PPARGC1A: variants seen among roughly 807,000 people sequenced by gnomAD.
PPARGC1A encodes the protein PPARG coactivator 1 alpha, also known as peroxisome proliferator-activated receptor gamma coactivator 1-alpha.
Under a neutral mutation model 88.7 loss-of-function variants are expected in PPARGC1A, and 25 were observed. The observed-to-expected ratio is 0.28, with a 90% confidence interval of 0.21 to 0.39. The LOEUF (loss-of-function observed/expected upper bound fraction) is 0.39, where lower values mean the gene tolerates loss of function less well. PPARGC1A is among the 10% of genes least tolerant of loss of function. PPARGC1A has a pLI of 1.00. For missense variants in PPARGC1A, 880 were observed against 968.7 expected (o/e 0.91, Z 1.22); for synonymous variants, 363 against 355.6 (o/e 1.02, Z -0.24).
the PPARGC1A span, among the ~76,000 whole-genome samples, chr4:24,341,278 C>T: frequency 7.2e-5 from 11 of 151,750 alleles, no homozygotes; most frequent in African/African-American, 2.4e-4. Context: ...AATAAACCAA[C>T]TGATCTGAAT....
chr4:23,937,580 C>T, the PPARGC1A span, among the ~76,000 whole-genome samples: 1 of 151,852 alleles, frequency 6.6e-6, no homozygotes, highest in Non-Finnish European at 1.5e-5. Context: ...TTGTTGACTC[C>T]TTTCAACATT....
At chr4:24,135,407 G>C in the PPARGC1A span, among the ~76,000 whole-genome samples, 3 of 152,080 alleles carry the variant, frequency 2.0e-5, no homozygotes, top group Non-Finnish European at 4.4e-5. Context: ...CCTCCTTGCA[G>C]GCCACACCCA....
At chr4:23,844,478 ATAT>A (rs1169973138) in intron 2 of PPARGC1A, among the ~76,000 whole-genome samples, 38,819 of 94,138 alleles carry the variant, frequency 0.41, 6,722 homozygotes, top group Middle Eastern at 0.52. Flanking sequence ...CTATATTAAT[ATAT>A]TATAATAATC....
chr4:24,303,141 G>A, the PPARGC1A span, among the ~76,000 whole-genome samples: 25 of 152,200 alleles, frequency 1.6e-4, no homozygotes, highest in African/African-American at 5.5e-4. Flanking sequence ...AGCTAAACAC[G>A]AACAGCTTAA....
At chr4:24,200,968 A>T in the PPARGC1A span, among the ~76,000 whole-genome samples, 1 of 152,198 alleles carries the variant, frequency 6.6e-6, no homozygotes, top group Non-Finnish European at 1.5e-5. Context: ...TTCACTCAGC[A>T]AACATTTATT....
chr4:24,140,372 T>C, the PPARGC1A span, among the ~76,000 whole-genome samples: 42 of 152,344 alleles, frequency 2.8e-4, no homozygotes, highest in African/African-American at 1.0e-3. Context: ...TGTAATCACA[T>C]TGCTTTAAGA....
chr4:24,067,583 G>T, the PPARGC1A span, among the ~76,000 whole-genome samples: 1 of 152,182 alleles, frequency 6.6e-6, no homozygotes. Flanking sequence ...AGCATCGCAC[G>T]TGGCCAAGGA....
chr4:23,895,180 A>C (rs1718399029), intron 1 of PPARGC1A, among the ~76,000 whole-genome samples: 1 of 150,480 alleles, frequency 6.6e-6, no homozygotes, highest in African/African-American at 2.4e-5. Flanking sequence ...AAAAAAAAGC[A>C]ATCAAACCAT....
At chr4:24,008,929 C>T in the PPARGC1A span, among the ~76,000 whole-genome samples, 1 of 151,920 alleles carries the variant, frequency 6.6e-6, no homozygotes, top group Non-Finnish European at 1.5e-5. Context: ...TATGTGGGTT[C>T]TTTTCCCGCG....
chr4:24,232,297 T>C, the PPARGC1A span, among the ~76,000 whole-genome samples: 1 of 152,106 alleles, frequency 6.6e-6, no homozygotes, highest in Non-Finnish European at 1.5e-5. Flanking sequence ...AATCACATCG[T>C]TCCCTTCTCC....
the PPARGC1A span, among the ~76,000 whole-genome samples, chr4:24,121,292 G>T: frequency 0.011 from 1,613 of 152,198 alleles, 27 homozygotes; most frequent in East Asian, 0.071. Flanking sequence ...CTTCTCCCAC[G>T]CCTGTTTTTC....
At chr4:23,835,377 T>C (rs1322080494) in intron 2 of PPARGC1A, among the ~76,000 whole-genome samples, 1 of 152,132 alleles carries the variant, frequency 6.6e-6, no homozygotes, top group Non-Finnish European at 1.5e-5. Flanking sequence ...TTATAAGATC[T>C]GATTAAACCA....
At chr4:24,089,514 C>CTTTTCTTTCTT in the PPARGC1A span, among the ~76,000 whole-genome samples, 2 of 38,680 alleles carry the variant, frequency 5.2e-5, no homozygotes, top group Non-Finnish European at 8.5e-5. Flanking sequence ...TCTTTTCTTT[C>CTTTTCTTTCTT]TTTTTTTTTT....
At chr4:23,799,968 A>G (rs1718358808) in intron 12 of PPARGC1A, among the ~76,000 whole-genome samples, 1 of 152,172 alleles carries the variant, frequency 6.6e-6, no homozygotes, top group Admixed American at 6.5e-5. Context: ...GCCACATTCT[A>G]TATTTTCATC....
the PPARGC1A span, among the ~76,000 whole-genome samples, chr4:24,216,173 A>T: frequency 1.6e-5 from 2 of 125,958 alleles, no homozygotes; most frequent in African/African-American, 6.3e-5. Flanking sequence ...TTTGAGACAG[A>T]GTCTCTCCCT....
the PPARGC1A span, among the ~76,000 whole-genome samples, chr4:24,286,956 T>A: frequency 6.6e-6 from 1 of 152,176 alleles, no homozygotes; most frequent in Admixed American, 6.6e-5. Context: ...GAGAAAGAGA[T>A]CTTAAGAAAT....
At chr4:24,463,953 A>C in the PPARGC1A span, among the ~76,000 whole-genome samples, 1 of 152,330 alleles carries the variant, frequency 6.6e-6, no homozygotes, top group East Asian at 1.9e-4. Context: ...TTGGGTGTTT[A>C]CCTGTCACCT....
the PPARGC1A span, among the ~76,000 whole-genome samples, chr4:23,995,621 A>G: frequency 6.6e-6 from 1 of 151,968 alleles, no homozygotes; most frequent in Non-Finnish European, 1.5e-5. Context: ...TCACCTCCTT[A>G]CAGTACACAG....
At chr4:24,132,530 A>G in the PPARGC1A span, among the ~76,000 whole-genome samples, 1 of 152,178 alleles carries the variant, frequency 6.6e-6, no homozygotes, top group African/African-American at 2.4e-5. Context: ...TTGTACCTCA[A>G]TGACTTTCTT....
Sources: gnomAD v4.1 joint callset for allele counts (sites outside exome capture counted in the v4.1 genomes callset) on GRCh38, gnomAD v4.1.1 for gene constraint, MANE v1.5 for transcripts, NCBI Gene and HGNC (gene_info 2026-07-23, HGNC 2026-07-21) for gene names.